Variants in WDHD1 observed in about 807,000 individuals in gnomAD.
WDHD1 encodes WD repeat and HMG-box DNA-binding protein 1.
WDHD1 carries 111 observed loss-of-function variants against 135.4 expected under a neutral mutation model. The ratio of observed to expected loss-of-function variants is 0.82; its 90% CI spans 0.70 to 0.96. The LOEUF is 0.96. Among genes scored for constraint, WDHD1 ranks in the 40% least tolerant of loss-of-function variants. The pLI, the probability that WDHD1 is intolerant of heterozygous loss-of-function variation, is 0.00. For missense variants in WDHD1, 1,351 were observed against 1,336.3 expected (o/e 1.01, Z -0.17); for synonymous variants, 434 against 439.0 (o/e 0.99, Z 0.14).
At chr14:54,950,213 G>C (rs918089608) in intron 24 of WDHD1, among the ~76,000 whole-genome samples, 8 of 152,184 alleles carry the variant, frequency 5.3e-5, no homozygotes, top group African/African-American at 1.9e-4. Context: ...TGGATAAAGA[G>C]TCAAGACCCA....
intron 13 of WDHD1, among the ~76,000 whole-genome samples, chr14:54,988,579 G>A (rs1357344102): frequency 6.6e-6 from 1 of 151,982 alleles, no homozygotes; most frequent in African/African-American, 2.4e-5. Context: ...AATAAGGGAG[G>A]TTCAAATAGA....
At chr14:54,999,728 G>C (rs2041948786) in intron 10 of WDHD1, among the ~76,000 whole-genome samples, 1 of 151,954 alleles carries the variant, frequency 6.6e-6, no homozygotes, top group African/African-American at 2.4e-5. Flanking sequence ...TTCTGAGTAG[G>C]AGCATGAAAC....
chr14:54,987,396 TAAAAC>T lies in WDHD1; in HGVS notation c.1527-14_1527-10del. 1 of 1,592,408 alleles carries T rather than the reference TAAAAC, an allele frequency of 6.3e-7. No individual in the cohort carries two copies. Among genetic ancestry groups the T allele is most frequent in the Non-Finnish European group, 8.6e-7 (1 of 1,167,100 alleles). ...GCAGGCAGTGAAGCTTGCTAAAAAT[TAAAAC>T]AAGACAGAAACAATCAAACTTTCAT... is the stretch of plus-strand genomic sequence containing the variant. On this transcript the variant is annotated splice_polypyrimidine_tract_variant and intron_variant, in intron 13 of 25. Coordinates refer to ENST00000360586, the MANE Select transcript of WDHD1 (RefSeq NM_007086.4).
At chr14:54,991,075 CA>C (rs1447793667) in intron 12 of WDHD1, 137 bp downstream of exon 12, 1 of 523,658 alleles carries the variant, frequency 1.9e-6, no homozygotes, top group Non-Finnish European at 3.4e-6. Flanking sequence ...AAACCAACCA[CA>C]AAACTGTAAT....
intron 16 of WDHD1, among the ~76,000 whole-genome samples, chr14:54,968,320 A>C (rs2041377707): frequency 6.6e-6 from 1 of 152,212 alleles, no homozygotes; most frequent in Non-Finnish European, 1.5e-5. Flanking sequence ...AAATAAATGA[A>C]AACAGACACA....
At chr14:54,980,336 G>C (rs2041596975) in intron 16 of WDHD1, among the ~76,000 whole-genome samples, 1 of 149,890 alleles carries the variant, frequency 6.7e-6, no homozygotes, top group South Asian at 2.1e-4. Context: ...AAAAAAAAAA[G>C]ACATAATTCA....
In WDHD1 at chr14:54,947,740, A is replaced by G. The variant is rs1215257921; in HGVS notation, c.3051-3270T>C. On this transcript the variant is annotated intron_variant, in intron 24 of 25. Transcript: ENST00000360586. ...CCAAGTAGCTGGGATTACAGGCATG[A>G]GCCACCATACCTGGCAAACTTTTGT... is the stretch of plus-strand genomic sequence containing the variant. Among the ~76,000 whole-genome samples the G allele has an allele frequency of 5.3e-5, 8 of 151,754 alleles. No individual in the cohort carries two copies. The South Asian group carries it at 1.7e-3, about 32-fold the overall frequency.
intron 10 of WDHD1, among the ~76,000 whole-genome samples, chr14:55,000,133 T>G (rs1481888431): frequency 1.3e-5 from 2 of 152,154 alleles, no homozygotes; most frequent in African/African-American, 4.8e-5. Context: ...ACAAGGTGCC[T>G]GTTTAAAGTT....
At chr14:55,001,816 T>C (rs1300859460) in intron 8 of WDHD1, among the ~76,000 whole-genome samples, 2 of 152,202 alleles carry the variant, frequency 1.3e-5, no homozygotes, top group Admixed American at 1.3e-4. Context: ...CAAGTCTCAG[T>C]GAAACTCACT....
chr14:54,955,986 C>G (rs1328189767), intron 23 of WDHD1, among the ~76,000 whole-genome samples: 1 of 150,952 alleles, frequency 6.6e-6, no homozygotes, highest in Non-Finnish European at 1.5e-5. Context: ...CAACCTCCAC[C>G]CTCCGAGTTC....
Position 55,008,313 on chromosome 14 carries a change from T to C in WDHD1, c.504+3A>G. ...AACTTTAAATTTAAATTGCTGAGTT[T>C]ACCTGATCTGAAATTTGCCACACTC... On this transcript the variant is annotated splice_donor_region_variant and intron_variant, in intron 6 of 25. Coordinates refer to ENST00000360586, the MANE Select transcript of WDHD1 (RefSeq NM_007086.4). 6.2e-7 allele frequency: 1 copy of C among 1,613,126 alleles called. No homozygotes were observed. The highest frequency in any genetic ancestry group is 8.5e-7 in the Non-Finnish European group (1 of 1,179,544).
At chr14:55,008,463 G>T in intron 5 of WDHD1, 97 bp from the exon 6 acceptor site, 1 of 1,473,660 alleles carries the variant, frequency 6.8e-7, no homozygotes, top group Non-Finnish European at 9.2e-7. Context: ...TTTATCAACT[G>T]GGTGAAATTT....
At chr14:54,956,495 G>A (rs1387845123) in intron 23 of WDHD1, among the ~76,000 whole-genome samples, 1 of 151,970 alleles carries the variant, frequency 6.6e-6, no homozygotes, top group Non-Finnish European at 1.5e-5. Flanking sequence ...AAAATTAGCT[G>A]GGCGTGATGT....
At chr14:54,989,660 A>C (rs1333688000) in intron 12 of WDHD1, among the ~76,000 whole-genome samples, 1 of 151,192 alleles carries the variant, frequency 6.6e-6, no homozygotes, top group African/African-American at 2.5e-5. Flanking sequence ...TTAAGAAAAC[A>C]TAATTTTTTT....
chr14:55,013,532 G>A lies in WDHD1; in HGVS notation c.142C>T (p.Pro48Ser), dbSNP rs2042209163. ...TTTTCTCCAACATTAATGAACTTAG[G>A]ATCATCATCATCCAAGTCTTCCCAA... is the stretch of plus-strand genomic sequence containing the variant. ...RIWEDLDDDD[P>S]KFINVGEKAY... is the part of the protein sequence containing the mutation. Residue 48 changes from proline (P) to serine (S), a missense_variant, in exon 3 of 26, where the codon CCT becomes TCT. Pro to Ser is a moderately conservative substitution (Grantham distance 74). This residue lies in a region of WDHD1 where 1,330 missense variants were observed against 1,296.1 expected (regional missense o/e 1.03). Transcript: ENST00000360586. The A allele has an allele frequency of 1.2e-6, 2 of 1,613,824 alleles. No individual in the cohort carries two copies. The highest frequency in any genetic ancestry group is 1.7e-6 in the Non-Finnish European group (2 of 1,179,922).
In WDHD1 at chr14:54,961,906, G is replaced by A. The variant is rs149006835; in HGVS notation, c.2701+592C>T. Among the ~76,000 whole-genome samples, 98 of 150,868 alleles carry A rather than the reference G, an allele frequency of 6.5e-4. 1 individual carries two copies. The highest frequency in any genetic ancestry group is 2.1e-3 in the African/African-American group (88 of 40,994). On this transcript the variant is annotated intron_variant, in intron 21 of 25. Coordinates refer to ENST00000360586, the MANE Select transcript of WDHD1 (RefSeq NM_007086.4). ...GGCTGGAGTGCAATGGCACGATCTC[G>A]GCTCACTGCTACCTCCACCTCCTGA... is the stretch of plus-strand genomic sequence containing the variant.
Position 54,972,583 on chromosome 14 carries a change from AAAAAAAATG to A in WDHD1, c.2064-5198_2064-5190del, listed in dbSNP as rs1566719604. On this transcript the variant is annotated intron_variant, in intron 16 of 25. Coordinates refer to ENST00000360586, the MANE Select transcript of WDHD1 (RefSeq NM_007086.4). ...AAAAAAAAAAAAAAAAAAAAAAAAA[AAAAAAAATG>A]CCAATGAGGCATATTCACTTTCATC... is the stretch of plus-strand genomic sequence containing the variant. Among the ~76,000 whole-genome samples, 33 of 89,322 alleles carry A rather than the reference AAAAAAAATG, an allele frequency of 3.7e-4. 4 individuals carry two copies. Among genetic ancestry groups the A allele is most frequent in the African/African-American group, 1.0e-3 (13 of 12,756 alleles). The allele number at this position is 89,322 out of a possible 152,430, so 58.6% of individuals were successfully genotyped here.
At chr14:55,001,052 T>C in intron 8 of WDHD1, 60 bp from the exon 9 acceptor site, 1 of 1,122,512 alleles carries the variant, frequency 8.9e-7, no homozygotes, top group East Asian at 2.8e-5. Context: ...AAATACTCAT[T>C]TTATTACCAA....
At position 54,939,911 on chromosome 14, in the gene WDHD1, A is replaced by G. The variant is rs898470179; in HGVS notation, c.*1579T>C. On this transcript the variant is annotated 3_prime_UTR_variant, in exon 26 of 26. Transcript: ENST00000360586. ...TAGTATTATAAAATATATACAAAGCAAGTTGAGGAACCAAACACAAAATAC... is the reference window on the plus strand; with the variant it reads ...TAGTATTATAAAATATATACAAAGCGAGTTGAGGAACCAAACACAAAATAC... 4 of 152,234 alleles carry G rather than the reference A, an allele frequency of 2.6e-5. No individual in the cohort carries two copies. The highest frequency in any genetic ancestry group is 9.6e-5 in the African/African-American group (4 of 41,470). The allele number at this position is 152,234 out of a possible 1,614,324, so 9.4% of individuals were successfully genotyped here.
Sources: gnomAD v4.1 joint callset for allele counts (sites outside exome capture counted in the v4.1 genomes callset) on GRCh38, gnomAD v4.1.1 for gene constraint, gnomAD v4.1.1 regional missense constraint, MANE v1.5 for transcripts, NCBI Gene and HGNC (gene_info 2026-07-23, HGNC 2026-07-21) for gene names.